Variants in ARHGAP18 observed in about 807,000 individuals in gnomAD.
The protein encoded by ARHGAP18 is rho GTPase-activating protein 18.
Under a neutral mutation model 86.2 loss-of-function variants are expected in ARHGAP18, and 67 were observed. The ratio of observed to expected loss-of-function variants is 0.78; its 90% CI spans 0.64 to 0.95. The LOEUF (loss-of-function observed/expected upper bound fraction) is 0.95. Ranked by LOEUF, ARHGAP18 falls within the 40% of genes least tolerant of loss-of-function variation. The probability of loss-of-function intolerance (pLI) is 0.00; values close to 1 mark genes in which losing one functional copy is unlikely to be tolerated. For missense variants in ARHGAP18, 691 were observed against 780.4 expected (o/e 0.89, Z 1.37); for synonymous variants, 283 against 280.4 (o/e 1.01, Z -0.09).
intron 5 of ARHGAP18, among the ~76,000 whole-genome samples, chr6:129,627,463 C>G (rs908793581): frequency 1.3e-5 from 2 of 151,924 alleles, no homozygotes; most frequent in African/African-American, 2.4e-5. Context: ...TGACTCCCCC[C>G]CAAAAAAGTG....
intron 2 of ARHGAP18, among the ~76,000 whole-genome samples, chr6:129,640,023 C>A (rs12180811): frequency 8.0e-6 from 1 of 125,390 alleles, no homozygotes; most frequent in Non-Finnish European, 1.6e-5. Context: ...CCAGCCTGGG[C>A]GACAGAGTGA....
chr6:129,618,964 A>G (rs1005419883), intron 5 of ARHGAP18, 112 bp from the exon 6 acceptor site: 16 of 954,496 alleles, frequency 1.7e-5, no homozygotes, highest in Non-Finnish European at 2.3e-5. Flanking sequence ...AAGTGATAAG[A>G]AAAGCCACAG....
chr6:129,588,038 C>T (rs535405127), intron 12 of ARHGAP18, among the ~76,000 whole-genome samples: 1 of 152,094 alleles, frequency 6.6e-6, no homozygotes, highest in South Asian at 2.1e-4. Flanking sequence ...CAAATGCACC[C>T]ATTCCAAATG....
chr6:129,673,291 A>G (rs370984455), intron 1 of ARHGAP18, among the ~76,000 whole-genome samples: 3 of 143,156 alleles, frequency 2.1e-5, no homozygotes, highest in African/African-American at 7.7e-5. Context: ...TTTCTTTCTC[A>G]TTTTTTTTTC....
At chr6:129,602,432 G>A (rs990420197) in intron 10 of ARHGAP18, among the ~76,000 whole-genome samples, 1 of 151,768 alleles carries the variant, frequency 6.6e-6, no homozygotes, top group African/African-American at 2.4e-5. Flanking sequence ...CCCTAAAAAG[G>A]CCAAATATAC....
At chr6:129,644,421 A>C (rs73592427) in intron 1 of ARHGAP18, among the ~76,000 whole-genome samples, 1 of 152,170 alleles carries the variant, frequency 6.6e-6, no homozygotes, top group African/African-American at 2.4e-5. Flanking sequence ...CAGCAGCTCA[A>C]CTTATCTGTA....
intron 2 of ARHGAP18, among the ~76,000 whole-genome samples, chr6:129,640,061 AAAACAAAC>A (rs1253199686): frequency 7.2e-6 from 1 of 138,360 alleles, no homozygotes; most frequent in Non-Finnish European, 1.6e-5. Context: ...AAAAAAAAAA[AAAACAAAC>A]AAAAGTCAGC....
At chr6:129,580,217 G>T in intron 13 of ARHGAP18, 86 bp from the exon 14 acceptor site, 1 of 1,211,166 alleles carries the variant, frequency 8.3e-7, no homozygotes, top group Non-Finnish European at 1.2e-6. Context: ...AATTCTGGCT[G>T]GTATGGAAAA....
intron 1 of ARHGAP18, among the ~76,000 whole-genome samples, chr6:129,651,984 G>A (rs1375768841): frequency 6.6e-6 from 1 of 152,228 alleles, no homozygotes; most frequent in Non-Finnish European, 1.5e-5. Flanking sequence ...GTGAGAAGGT[G>A]CCATCCGTGA....
rs548106660 is a variant in ARHGAP18, at chr6:129,684,845, T to C, written c.113+25179A>G. 3.9e-5 allele frequency among the ~76,000 whole-genome samples: 6 copies of C among 152,338 alleles called. No individual in the cohort carries two copies. In the East Asian group the frequency reaches 9.6e-4, roughly 24 times the overall value. ...AGCCTAATACTACCCCAAGGAATTTTTCAGTAAGATCTGTGAAATGCCCTC... is the reference window on the plus strand; with the variant it reads ...AGCCTAATACTACCCCAAGGAATTTCTCAGTAAGATCTGTGAAATGCCCTC... On this transcript the variant is annotated intron_variant, in intron 1 of 14. Coordinates refer to ENST00000368149, the MANE Select transcript of ARHGAP18 (RefSeq NM_033515.3).
intron 1 of ARHGAP18, among the ~76,000 whole-genome samples, chr6:129,684,209 A>T (rs1774386311): frequency 6.6e-6 from 1 of 152,256 alleles, no homozygotes; most frequent in Non-Finnish European, 1.5e-5. Context: ...TGCATGCGAT[A>T]GCTAAGAAAC....
intron 1 of ARHGAP18, chr6:129,662,036 G>T (rs776823500): frequency 5.1e-6 from 2 of 395,186 alleles, no homozygotes; most frequent in African/African-American, 2.2e-5. Flanking sequence ...CAAGATCCAC[G>T]CAAGCTGCAG....
intron 3 of ARHGAP18, among the ~76,000 whole-genome samples, chr6:129,638,047 C>G (rs1312368407): frequency 2.0e-5 from 3 of 151,998 alleles, no homozygotes; most frequent in Non-Finnish European, 2.9e-5. Flanking sequence ...GGAAGAATAC[C>G]CTAATCCTAC....
chr6:129,625,581 T>C lies in ARHGAP18; in HGVS notation c.786+3772A>G, dbSNP rs867486186. Among the ~76,000 whole-genome samples, 2 of 69,126 alleles carry C rather than the reference T, an allele frequency of 2.9e-5. 1 individual carries two copies. 45.3% of individuals were successfully genotyped at this position (69,126 alleles called of 152,430 possible). The stretch of plus-strand genomic sequence containing the variant: ...ATATATTATATATCATTATACATTA[T>C]ATATTATATATTTATATATTATATA... On this transcript the variant is annotated intron_variant, in intron 5 of 14. Coordinates refer to ENST00000368149, the MANE Select transcript of ARHGAP18 (RefSeq NM_033515.3).
At chr6:129,649,639 G>GT (rs993584506) in intron 1 of ARHGAP18, among the ~76,000 whole-genome samples, 4 of 135,942 alleles carry the variant, frequency 2.9e-5, no homozygotes, top group African/African-American at 1.1e-4. Context: ...TTCTTGCTTT[G>GT]TTTTTTGCTA....
intron 1 of ARHGAP18, among the ~76,000 whole-genome samples, chr6:129,694,418 A>C (rs1275536524): frequency 2.6e-5 from 4 of 152,168 alleles, no homozygotes; most frequent in Non-Finnish European, 5.9e-5. Flanking sequence ...ATGAGGATTA[A>C]ATGAGGTAAG....
intron 2 of ARHGAP18, among the ~76,000 whole-genome samples, chr6:129,640,050 AAAAAAAAAAAAAAACAAAC>A (rs1426849934): frequency 6.6e-6 from 1 of 150,960 alleles, no homozygotes; most frequent in Admixed American, 6.6e-5. Flanking sequence ...CTCAAAAAAA[AAAAAAAAAAAAAAACAAAC>A]AAAAGTCAGC....
intron 1 of ARHGAP18, among the ~76,000 whole-genome samples, chr6:129,659,434 A>C (rs569252084): frequency 6.6e-6 from 1 of 151,964 alleles, no homozygotes; most frequent in Non-Finnish European, 1.5e-5. Context: ...GGTGTACTTC[A>C]GACAAGATAG....
rs181937834 is a variant in ARHGAP18 at position 129,634,248 on chromosome 6, A to G, written c.553-143T>C. The G allele has an allele frequency of 1.7e-4, 104 of 627,258 alleles. No individual in the cohort carries two copies. In the African/African-American group the frequency reaches 1.8e-3, roughly 11 times the overall value. The allele number at this position is 627,258 out of a possible 1,614,324, so 38.9% of individuals were successfully genotyped here. A position where few individuals can be genotyped will look rare whatever the true frequency, so the allele number is the denominator to read the frequency against. ...ATCACAGTGAAAAAGGGGCACTAAG[A>G]TAATAATCAACAAGCAATCATCCAA... On this transcript the variant is annotated intron_variant, in intron 3 of 14. Transcript: ENST00000368149.
Sources: gnomAD v4.1 joint callset for allele counts (sites outside exome capture counted in the v4.1 genomes callset) on GRCh38, gnomAD v4.1.1 for gene constraint, MANE v1.5 for transcripts, NCBI Gene and HGNC (gene_info 2026-07-23, HGNC 2026-07-21) for gene names.